The following RABEP2 variants were observed in gnomAD, a reference collection of about 807,000 sequenced individuals.
RABEP2 encodes rab GTPase-binding effector protein 2.
RABEP2 carries 57 observed loss-of-function variants against 74.1 expected under a neutral mutation model. The observed-to-expected ratio is 0.77, with a 90% CI of 0.62 to 0.96. The LOEUF (loss-of-function observed/expected upper bound fraction) is 0.96. RABEP2 is among the 40% of genes least tolerant of loss of function. The pLI is 0.00. For missense variants in RABEP2, 692 were observed against 756.3 expected (o/e 0.91, Z 1.00); for synonymous variants, 351 against 344.0 (o/e 1.02, Z -0.23).
chr16:28,911,969 G>A (rs996134767), intron 5 of RABEP2, among the ~76,000 whole-genome samples: 5 of 149,270 alleles, frequency 3.3e-5, no homozygotes, highest in East Asian at 2.0e-4. Flanking sequence ...GATTCCAGCC[G>A]GGCATGGTGG....
chr16:28,924,623 G>A lies in RABEP2; in HGVS notation c.62-8C>T, dbSNP rs1309868016. On this transcript the variant is annotated splice_polypyrimidine_tract_variant and splice_region_variant and intron_variant, in intron 1 of 12. Coordinates refer to ENST00000358201, the MANE Select transcript of RABEP2 (RefSeq NM_024816.3). ...ACCGGGAGTCCTCCAGTGCTGTGGG[G>A]GACAGGGATCAGCCTCTCTTCCCAT... 1 of 1,606,422 alleles carries A rather than the reference G, an allele frequency of 6.2e-7. No individual in the cohort carries two copies. The highest frequency in any genetic ancestry group is 8.5e-7 in the Non-Finnish European group (1 of 1,179,042).
chr16:28,919,957 G>C lies in RABEP2; in HGVS notation c.275-14C>G. On this transcript the variant is annotated splice_polypyrimidine_tract_variant and intron_variant, in intron 2 of 12. Coordinates refer to ENST00000358201, the MANE Select transcript of RABEP2 (RefSeq NM_024816.3). ...TGCTGATGGAGTCTGGTGGGGGAGA[G>C]GGAGGGTGGGAGAGAGGGAGGGTCA... The C allele has an allele frequency of 1.3e-6, 2 of 1,565,672 alleles. No homozygotes were observed. Among genetic ancestry groups the C allele is most frequent in the Non-Finnish European group, 1.7e-6 (2 of 1,147,792 alleles).
chr16:28,914,966 TA>T (rs1964369393), intron 3 of RABEP2, among the ~76,000 whole-genome samples, 184 bp from the exon 4 acceptor site: 1 of 151,292 alleles, frequency 6.6e-6, no homozygotes, highest in African/African-American at 2.4e-5. Context: ...CCCCAGGACA[TA>T]AGGGCAAGGA....
chr16:28,921,286 T>C, intron 2 of RABEP2: 1 of 455,176 alleles, frequency 2.2e-6, no homozygotes, highest in South Asian at 1.6e-5. Flanking sequence ...AGGGCGGCTG[T>C]GGCAATAGTT....
chr16:28,908,468 A>T lies in RABEP2; in HGVS notation c.1245+141T>A, dbSNP rs1964266055. 8 of 792,258 alleles carry T rather than the reference A, an allele frequency of 1.0e-5. No homozygotes were observed. In the South Asian group the frequency reaches 1.6e-4, roughly 16 times the overall value. 49.1% of individuals were successfully genotyped at this position (792,258 alleles called of 1,614,324 possible). On this transcript the variant is annotated intron_variant, in intron 8 of 12. Transcript: ENST00000358201. The stretch of plus-strand genomic sequence containing the variant: ...GTATGGTTCCATTTCTCAGATGAGG[A>T]AACTGAGCCTTAGAGAAGGCAAATG...
chr16:28,916,609 T>A (rs1189985382), intron 3 of RABEP2, among the ~76,000 whole-genome samples: 2 of 146,122 alleles, frequency 1.4e-5, no homozygotes, highest in African/African-American at 5.1e-5. Flanking sequence ...GAGGTGGAGG[T>A]TGCAGTGAGC....
intron 8 of RABEP2, among the ~76,000 whole-genome samples, chr16:28,906,435 A>T (rs747734795): frequency 2.0e-5 from 3 of 152,194 alleles, no homozygotes; most frequent in Non-Finnish European, 4.4e-5. Flanking sequence ...GCGCTCAGGA[A>T]GAGTCCCAAC....
At chr16:28,919,984 T>C (rs537295409) in intron 2 of RABEP2, 41 bp from the exon 3 acceptor site, 1 of 1,537,636 alleles carries the variant, frequency 6.5e-7, no homozygotes, top group Admixed American at 1.8e-5. Context: ...GGAGGGTCAA[T>C]GAGCCAGCCC....
At chr16:28,921,646 GA>G (rs1248035949) in intron 2 of RABEP2, among the ~76,000 whole-genome samples, 1 of 114,340 alleles carries the variant, frequency 8.7e-6, no homozygotes, top group Non-Finnish European at 1.7e-5. Context: ...ATAGAACATA[GA>G]TTTTTTTTTT....
chr16:28,921,223 C>T (rs1214939194), intron 2 of RABEP2: 1 of 455,736 alleles, frequency 2.2e-6, no homozygotes, highest in East Asian at 6.9e-5. Context: ...TCTGGAAATA[C>T]AGAAATTAAT....
At chr16:28,913,067 ATTCTCCT>A (rs1964335905) in intron 5 of RABEP2, among the ~76,000 whole-genome samples, 1 of 151,570 alleles carries the variant, frequency 6.6e-6, no homozygotes, top group African/African-American at 2.4e-5. Context: ...GGTTCAAGCG[ATTCTCCT>A]GCCTCAGCCT....
chr16:28,907,167 T>TG (rs1284444722), intron 8 of RABEP2, among the ~76,000 whole-genome samples: 3 of 148,416 alleles, frequency 2.0e-5, no homozygotes, highest in Non-Finnish European at 4.5e-5. Context: ...CCTTTGTTTT[T>TG]TTTTTTTTTT....
intron 3 of RABEP2, among the ~76,000 whole-genome samples, chr16:28,916,928 G>T (rs1224328416): frequency 1.3e-5 from 2 of 150,222 alleles, no homozygotes; most frequent in African/African-American, 4.9e-5. Flanking sequence ...TGCAGAGGTT[G>T]CAATGAGCTG....
intron 2 of RABEP2, among the ~76,000 whole-genome samples, chr16:28,922,476 C>T (rs1001782691): frequency 3.3e-5 from 5 of 152,144 alleles, no homozygotes; most frequent in African/African-American, 1.2e-4. Context: ...AATCCCAGCA[C>T]TCTGGGAGGT....
chr16:28,912,765 C>G (rs1964332208), intron 5 of RABEP2, among the ~76,000 whole-genome samples: 1 of 152,086 alleles, frequency 6.6e-6, no homozygotes, highest in Non-Finnish European at 1.5e-5. Context: ...TTGCTTAACC[C>G]TGCAGGTGCT....
At chr16:28,924,830 T>G in intron 1 of RABEP2, 1 of 635,714 alleles carries the variant, frequency 1.6e-6, no homozygotes, top group Non-Finnish European at 2.8e-6. Context: ...CCAGTTTCAC[T>G]CAGTCCTCTC....
rs1483056635 is a variant in RABEP2 at position 28,914,882 on chromosome 16, T to C, written c.433-100A>G. The C allele has an allele frequency of 6.0e-6, 6 of 992,334 alleles. No homozygotes were observed. The East Asian group carries it at 1.2e-4, about 20-fold the overall frequency. The allele number at this position is 992,334 out of a possible 1,614,324, so 61.5% of individuals were successfully genotyped here. A position where few individuals can be genotyped will look rare whatever the true frequency, so the allele number is the denominator to read the frequency against. ...TCTCCAAGCACATCAGCTCTCCTAA[T>C]CCTCCCTAGAAGGTGCTGTCCACCC... On this transcript the variant is annotated intron_variant, in intron 3 of 12. Transcript: ENST00000358201.
chr16:28,906,138 TGG>T lies in RABEP2; in HGVS notation c.1302_1303del (p.Gln435GlyfsTer87). On this transcript the variant is annotated frameshift_variant, in exon 9 of 13. Transcript: ENST00000358201. LOFTEE classifies it high-confidence loss of function. ...CCGCAGGCGCTCGGCCCCGTGCTCCTGGGCCTGCAGCCGGGCCCTCGCCTCTT... is the reference window on the plus strand; with the variant it reads ...CCGCAGGCGCTCGGCCCCGTGCTCCTGCCTGCAGCCGGGCCCTCGCCTCTT... 1.3e-6 allele frequency: 2 copies of T among 1,582,924 alleles called. No homozygotes were observed. The highest frequency in any genetic ancestry group is 1.7e-6 in the Non-Finnish European group (2 of 1,168,550).
chr16:28,906,136 C>T lies in RABEP2; in HGVS notation c.1306G>A (p.Glu436Lys), dbSNP rs908074746. The change falls in exon 9 of 13, where the codon GAG becomes AAG. Residue 436 changes from glutamate to lysine, a missense_variant. Transcript: ENST00000358201. Reference protein sequence around the residue: ...QEARARLQAQEHGAERLRIEI... With the variant: ...QEARARLQAQKHGAERLRIEI... ...ATCCGCAGGCGCTCGGCCCCGTGCT[C>T]CTGGGCCTGCAGCCGGGCCCTCGCC... is the stretch of plus-strand genomic sequence containing the variant. 1 of 1,582,572 alleles carries T rather than the reference C, an allele frequency of 6.3e-7. No homozygotes were observed. Among genetic ancestry groups the T allele is most frequent in the South Asian group, 1.1e-5 (1 of 87,598 alleles).
Sources: gnomAD v4.1 joint callset for allele counts (sites outside exome capture counted in the v4.1 genomes callset) on GRCh38, gnomAD v4.1.1 for gene constraint, MANE v1.5 for transcripts, NCBI Gene and HGNC (gene_info 2026-07-23, HGNC 2026-07-21) for gene names.